Variants in ARFGEF3 observed in about 807,000 individuals in gnomAD.
The protein encoded by ARFGEF3 is brefeldin A-inhibited guanine nucleotide-exchange protein 3.
Under a neutral mutation model 221.7 loss-of-function variants are expected in ARFGEF3, and 96 were observed. The ratio of observed to expected loss-of-function variants is 0.43; its 90% CI spans 0.37 to 0.51. The LOEUF is 0.51. ARFGEF3 is among the 20% of genes least tolerant of loss of function. The probability of loss-of-function intolerance (pLI) is 0.00; values close to 1 mark genes in which losing one functional copy is unlikely to be tolerated. For synonymous variants in ARFGEF3, 1,145 were observed against 1,126.8 expected (o/e 1.02, Z -0.32); for missense variants, 2,410 against 2,789.9 (o/e 0.86, Z 3.07).
intron 2 of ARFGEF3, among the ~76,000 whole-genome samples, chr6:138,195,022 A>ATTTT (rs1554249084): frequency 3.4e-5 from 1 of 29,566 alleles, no homozygotes. Context: ...TTTTTTTTTG[A>ATTTT]GATGGAGTCT....
chr6:138,314,619 T>A (rs1779887497), intron 26 of ARFGEF3, among the ~76,000 whole-genome samples: 1 of 152,076 alleles, frequency 6.6e-6, no homozygotes, highest in Admixed American at 6.6e-5. Context: ...AATTAACAAA[T>A]TGCATGCTTC....
chr6:138,235,699 A>G (rs1778272203), intron 5 of ARFGEF3, among the ~76,000 whole-genome samples: 2 of 152,244 alleles, frequency 1.3e-5, no homozygotes, highest in African/African-American at 4.8e-5. Context: ...TTACCAATAT[A>G]TTATTACAGG....
At chr6:138,310,498 G>A (rs1236183931) in intron 24 of ARFGEF3, among the ~76,000 whole-genome samples, 2 of 152,132 alleles carry the variant, frequency 1.3e-5, no homozygotes, top group Non-Finnish European at 2.9e-5. Context: ...TTTACTCTCT[G>A]GCCCTTTGCC....
At position 138,311,398 on chromosome 6, in the gene ARFGEF3, C is replaced by T. The variant is rs750877413; in HGVS notation, c.4097-9C>T. On this transcript the variant is annotated splice_polypyrimidine_tract_variant and intron_variant, in intron 24 of 33. Transcript: ENST00000251691. The stretch of plus-strand genomic sequence containing the variant: ...CACTGTTGGTCTCTGTCTCCCGTGC[C>T]GCCCCTAGGGGAGGTGGACTGTAAA... 16 of 1,586,486 alleles carry T rather than the reference C, an allele frequency of 1.0e-5. No homozygotes were observed. Among genetic ancestry groups the T allele is most frequent in the East Asian group, 2.3e-5 (1 of 43,902 alleles).
chr6:138,197,272 A>G (rs1165295081), intron 2 of ARFGEF3, among the ~76,000 whole-genome samples: 1 of 152,230 alleles, frequency 6.6e-6, no homozygotes, highest in Non-Finnish European at 1.5e-5. Context: ...GAAGGTCTTC[A>G]GGGTCAGTAA....
chr6:138,231,533 T>G (rs1778192230), intron 5 of ARFGEF3, among the ~76,000 whole-genome samples: 1 of 152,192 alleles, frequency 6.6e-6, no homozygotes, highest in Non-Finnish European at 1.5e-5. Flanking sequence ...TTGTGCTGAT[T>G]AGACAAGAAA....
chr6:138,262,560 C>A (rs1562371595), intron 11 of ARFGEF3, 141 bp from the exon 12 acceptor site: 4 of 834,966 alleles, frequency 4.8e-6, no homozygotes, highest in Non-Finnish European at 7.3e-6. Flanking sequence ...TTATTCATTG[C>A]CCAGACCATT....
At chr6:138,258,706 C>T (rs1237713878) in intron 10 of ARFGEF3, among the ~76,000 whole-genome samples, 1 of 152,230 alleles carries the variant, frequency 6.6e-6, no homozygotes, top group Non-Finnish European at 1.5e-5. Flanking sequence ...GTATTTAACA[C>T]TATAATGCTT....
intron 29 of ARFGEF3, among the ~76,000 whole-genome samples, chr6:138,323,097 T>C (rs1253617588): frequency 1.3e-5 from 2 of 152,084 alleles, no homozygotes; most frequent in Non-Finnish European, 2.9e-5. Flanking sequence ...CAAAAATCAC[T>C]ACAGAATATA....
intron 4 of ARFGEF3, among the ~76,000 whole-genome samples, chr6:138,229,283 G>C (rs1057215154): frequency 6.6e-6 from 1 of 152,156 alleles, no homozygotes; most frequent in Non-Finnish European, 1.5e-5. Context: ...ACATGGAGTC[G>C]GATTACTTGA....
chr6:138,206,923 G>T, intron 2 of ARFGEF3, 119 bp from the exon 3 acceptor site: 1 of 693,250 alleles, frequency 1.4e-6, no homozygotes, highest in Non-Finnish European at 2.5e-6. Context: ...TTTTATTATT[G>T]GTTATAGTTT....
At position 138,313,916 on chromosome 6, in the gene ARFGEF3, T is replaced by G; in HGVS notation, c.4322T>G (p.Leu1441Arg). Reference sequence around the variant, plus strand: ...AGTGAGGATGGAATTGAATCAGTCCTGTCTGATTTTGATGATGACACCGGT... The same window carrying G: ...AGTGAGGATGGAATTGAATCAGTCCGGTCTGATTTTGATGATGACACCGGT... ...ASSEDGIESV[L>R]SDFDDDTGLI... is the part of the protein sequence containing the mutation. The change falls in exon 26 of 34, where the codon CTG becomes CGG. Residue 1441 changes from leucine (L) to arginine (R), a missense_variant. Coordinates refer to ENST00000251691, the MANE Select transcript of ARFGEF3 (RefSeq NM_020340.5). 6.2e-7 allele frequency: 1 copy of G among 1,613,926 alleles called. No homozygotes were observed. The highest frequency in any genetic ancestry group is 8.5e-7 in the Non-Finnish European group (1 of 1,179,842).
At chr6:138,223,519 A>G (rs557916183) in intron 4 of ARFGEF3, among the ~76,000 whole-genome samples, 1 of 152,324 alleles carries the variant, frequency 6.6e-6, no homozygotes. Context: ...TATAAATAAC[A>G]TCTGATATTT....
At chr6:138,177,865 A>G (rs542619245) in intron 2 of ARFGEF3, among the ~76,000 whole-genome samples, 1 of 151,866 alleles carries the variant, frequency 6.6e-6, no homozygotes, top group South Asian at 2.1e-4. Flanking sequence ...TCATGAATTG[A>G]TTTTCTGATT....
chr6:138,315,497 A>G (rs534410549), intron 26 of ARFGEF3, among the ~76,000 whole-genome samples: 3 of 152,256 alleles, frequency 2.0e-5, no homozygotes, highest in African/African-American at 7.2e-5. Flanking sequence ...TTGCTGTTAC[A>G]AATTTTGTGG....
At chr6:138,220,772 C>T (rs1453223583) in intron 4 of ARFGEF3, among the ~76,000 whole-genome samples, 2 of 152,178 alleles carry the variant, frequency 1.3e-5, no homozygotes, top group African/African-American at 4.8e-5. Flanking sequence ...TATTATCATC[C>T]AGCAGTAATC....
intron 18 of ARFGEF3, among the ~76,000 whole-genome samples, chr6:138,290,296 A>G (rs1055967783): frequency 2.0e-5 from 3 of 152,242 alleles, no homozygotes; most frequent in Non-Finnish European, 4.4e-5. Flanking sequence ...GTGCAAATCT[A>G]AAACTGGTCA....
intron 32 of ARFGEF3, among the ~76,000 whole-genome samples, 189 bp from the exon 33 acceptor site, chr6:138,333,781 G>T (rs892245697): frequency 2.0e-5 from 3 of 152,270 alleles, no homozygotes; most frequent in East Asian, 1.9e-4. Context: ...AACTCCACTA[G>T]TTGTGATTAA....
chr6:138,232,071 C>T (rs1778202792), intron 5 of ARFGEF3, among the ~76,000 whole-genome samples: 1 of 152,176 alleles, frequency 6.6e-6, no homozygotes. Context: ...ATGCATAGCC[C>T]TTCTCTTCAT....
Sources: gnomAD v4.1 joint callset for allele counts (sites outside exome capture counted in the v4.1 genomes callset) on GRCh38, gnomAD v4.1.1 for gene constraint, MANE v1.5 for transcripts, NCBI Gene and HGNC (gene_info 2026-07-23, HGNC 2026-07-21) for gene names.